The following MIPEP variants were observed in gnomAD, a reference collection of about 807,000 sequenced individuals.
MIPEP encodes mitochondrial intermediate peptidase.
Under a neutral mutation model 90.3 loss-of-function variants are expected in MIPEP, and 79 were observed. That is an observed-to-expected ratio of 0.87 (90% CI 0.73 to 1.05). The LOEUF (loss-of-function observed/expected upper bound fraction) is 1.05, where lower values mean the gene tolerates loss of function less well. Ranked by LOEUF, MIPEP falls within the 50% of genes least tolerant of loss-of-function variation. The pLI is 0.00. For missense variants in MIPEP, 940 were observed against 905.6 expected, an observed-to-expected ratio of 1.04 and a Z score of -0.49; for synonymous variants, 334 against 315.8, an observed-to-expected ratio of 1.06 and a Z score of -0.61.
chr13:23,815,973 C>CTA (rs1403844740), intron 14 of MIPEP, among the ~76,000 whole-genome samples: 1 of 152,172 alleles, frequency 6.6e-6, no homozygotes, highest in African/African-American at 2.4e-5. Flanking sequence ...GTATCTCATG[C>CTA]TATAAGTCTA....
At chr13:23,828,766 A>T (rs1214632028) in intron 14 of MIPEP, among the ~76,000 whole-genome samples, 1 of 152,166 alleles carries the variant, frequency 6.6e-6, no homozygotes, top group African/African-American at 2.4e-5. Flanking sequence ...ATGTAATCCC[A>T]ATCAAACTCT....
intron 4 of MIPEP, among the ~76,000 whole-genome samples, chr13:23,878,029 C>A (rs1871138527): frequency 6.6e-6 from 1 of 152,184 alleles, no homozygotes; most frequent in Non-Finnish European, 1.5e-5. Flanking sequence ...CAAGTCCTTT[C>A]TATCTAAAAT....
At chr13:23,745,705 A>G (rs972494358) in intron 18 of MIPEP, among the ~76,000 whole-genome samples, 3 of 152,058 alleles carry the variant, frequency 2.0e-5, no homozygotes, top group African/African-American at 4.8e-5. Flanking sequence ...AGGCGGGCGG[A>G]TCACTTGAGG....
chr13:23,854,152 C>T (rs1205401052), intron 10 of MIPEP, among the ~76,000 whole-genome samples: 2 of 148,068 alleles, frequency 1.4e-5, no homozygotes, highest in Admixed American at 6.7e-5. Flanking sequence ...GGTGAAACCT[C>T]GTCTCTACTA....
intron 14 of MIPEP, among the ~76,000 whole-genome samples, chr13:23,828,121 T>C (rs1422374528): frequency 6.6e-6 from 1 of 152,148 alleles, no homozygotes; most frequent in African/African-American, 2.4e-5. Context: ...GAAAAAACTA[T>C]GATAAAATGC....
At chr13:23,747,017 G>A (rs889693015) in intron 18 of MIPEP, among the ~76,000 whole-genome samples, 1 of 152,228 alleles carries the variant, frequency 6.6e-6, no homozygotes, top group African/African-American at 2.4e-5. Context: ...GAAGAAGACA[G>A]TAATCAAGAG....
intron 5 of MIPEP, among the ~76,000 whole-genome samples, chr13:23,870,665 C>T (rs1243261750): frequency 1.3e-5 from 2 of 151,926 alleles, no homozygotes; most frequent in Non-Finnish European, 2.9e-5. Flanking sequence ...ATTAGCTGGG[C>T]GTGGTGGCAC....
At chr13:23,809,350 C>A (rs1209217379) in intron 15 of MIPEP, among the ~76,000 whole-genome samples, 2 of 144,578 alleles carry the variant, frequency 1.4e-5, no homozygotes, top group Admixed American at 1.4e-4. Flanking sequence ...GGGAAATAGT[C>A]TTTTTTTTTT....
At chr13:23,787,272 T>C (rs1281379261) in intron 16 of MIPEP, among the ~76,000 whole-genome samples, 1 of 152,152 alleles carries the variant, frequency 6.6e-6, no homozygotes, top group East Asian at 1.9e-4. Context: ...GGCTGGGAAG[T>C]GCAAGAATCC....
chr13:23,765,533 C>T (rs1952583983), intron 16 of MIPEP, among the ~76,000 whole-genome samples: 1 of 152,154 alleles, frequency 6.6e-6, no homozygotes. Context: ...CCACCTGGGG[C>T]CTTGAAACAT....
intron 14 of MIPEP, among the ~76,000 whole-genome samples, chr13:23,832,274 G>A (rs2137447089): frequency 6.6e-6 from 1 of 152,246 alleles, no homozygotes; most frequent in African/African-American, 2.4e-5. Flanking sequence ...GCCACCTTGG[G>A]ACTCTGCAGA....
At chr13:23,755,887 G>T (rs1466506125) in intron 18 of MIPEP, among the ~76,000 whole-genome samples, 1 of 149,994 alleles carries the variant, frequency 6.7e-6, no homozygotes, top group Non-Finnish European at 1.5e-5. Flanking sequence ...TTCAGAAAAA[G>T]AAATAAAGGA....
chr13:23,836,156 C>G (rs1469595960), intron 14 of MIPEP, 84 bp downstream of exon 14: 5 of 782,506 alleles, frequency 6.4e-6, no homozygotes, highest in Non-Finnish European at 7.9e-6. Flanking sequence ...TTCTGAAAAG[C>G]AAGAAGAGTT....
At chr13:23,832,596 G>A (rs1029270147) in intron 14 of MIPEP, among the ~76,000 whole-genome samples, 3 of 152,038 alleles carry the variant, frequency 2.0e-5, no homozygotes, top group Non-Finnish European at 2.9e-5. Flanking sequence ...TTGGAGCAAC[G>A]GCGAAGAAGT....
At chr13:23,866,071 T>G (rs1870520261) in intron 7 of MIPEP, among the ~76,000 whole-genome samples, 1 of 152,102 alleles carries the variant, frequency 6.6e-6, no homozygotes, top group Non-Finnish European at 1.5e-5. Flanking sequence ...ACTAGCCACA[T>G]GAATGCCCGC....
intron 1 of MIPEP, among the ~76,000 whole-genome samples, chr13:23,886,999 T>C (rs562711539): frequency 6.6e-6 from 1 of 152,274 alleles, no homozygotes; most frequent in East Asian, 1.9e-4. Context: ...ACAGCATGGA[T>C]ACAGGTAATA....
chr13:23,888,188 C>T (rs1409136694), intron 1 of MIPEP: 1 of 398,204 alleles, frequency 2.5e-6, no homozygotes, highest in Non-Finnish European at 4.9e-6. Flanking sequence ...CTGCTCAGCG[C>T]CTACAAGTAG....
chr13:23,750,304 C>CT (rs1307525588), intron 18 of MIPEP, among the ~76,000 whole-genome samples: 33 of 152,270 alleles, frequency 2.2e-4, no homozygotes, highest in Admixed American at 2.2e-3. Flanking sequence ...AACTAGCTGT[C>CT]TTTTTTCTGT....
intron 13 of MIPEP, among the ~76,000 whole-genome samples, chr13:23,837,067 T>A (rs1175521397): frequency 6.6e-6 from 1 of 152,198 alleles, no homozygotes; most frequent in Non-Finnish European, 1.5e-5. Context: ...TATAGCCACA[T>A]AGCAGCATAA....
Sources: allele counts gnomAD v4.1 joint callset (sites outside exome capture counted in the v4.1 genomes callset), GRCh38; gene constraint gnomAD v4.1.1; transcripts MANE v1.5; gene names NCBI Gene and HGNC (gene_info 2026-07-23, HGNC 2026-07-21).